The following USP39 variants were observed in gnomAD, a reference collection of about 807,000 sequenced individuals.
The protein encoded by USP39 is ubiquitin carboxyl-terminal hydrolase 39.
A neutral mutation model predicts 66.4 loss-of-function variants in USP39; 38 were observed. That is an observed-to-expected ratio of 0.57 (90% CI 0.44 to 0.75). USP39 has a LOEUF of 0.75. Ranked by LOEUF, USP39 falls within the 30% of genes least tolerant of loss-of-function variation. USP39 has a pLI of 0.00. For synonymous variants in USP39, 303 were observed against 274.6 expected, an observed-to-expected ratio of 1.10 and a Z score of -1.02; for missense variants, 608 against 714.4, an observed-to-expected ratio of 0.85 and a Z score of 1.70.
chr2:85,631,552 A>G (rs1357398339), intron 6 of USP39, among the ~76,000 whole-genome samples: 2 of 151,930 alleles, frequency 1.3e-5, no homozygotes, highest in Non-Finnish European at 2.9e-5. Context: ...TCTCTGACCA[A>G]TCTGCCCTGC....
intron 5 of USP39, among the ~76,000 whole-genome samples, chr2:85,627,858 C>T (rs888258611): frequency 6.6e-6 from 1 of 152,116 alleles, no homozygotes; most frequent in African/African-American, 2.4e-5. Flanking sequence ...TTGGGCCTTA[C>T]AGACTCCTTT....
upstream of USP39, among the ~76,000 whole-genome samples, chr2:85,615,083 C>T (rs1261552756): frequency 2.6e-5 from 4 of 151,984 alleles, no homozygotes; most frequent in East Asian, 7.7e-4. Flanking sequence ...TGCAATGGGG[C>T]GATCTCGGCT....
chr2:85,603,866 T>C (rs1673109986), intron 1 of USP39, among the ~76,000 whole-genome samples: 1 of 152,238 alleles, frequency 6.6e-6, no homozygotes, highest in South Asian at 2.1e-4. Flanking sequence ...GTGCTGGGAT[T>C]ACAGGCGTGG....
At chr2:85,615,656 G>A (rs1673868512), upstream of USP39, among the ~76,000 whole-genome samples, 1 of 152,116 alleles carries the variant, frequency 6.6e-6, no homozygotes, top group Non-Finnish European at 1.5e-5. Flanking sequence ...TTTTGAGACG[G>A]AGTTTCGCTC....
chr2:85,621,430 T>C lies in USP39; in HGVS notation c.339-55T>C, dbSNP rs1424105488. The C allele has an allele frequency of 3.3e-6, 5 of 1,501,024 alleles. No homozygotes were observed. The Admixed American group carries it at 8.4e-5, about 25-fold the overall frequency. 93.0% of individuals were successfully genotyped at this position (1,501,024 alleles called of 1,614,324 possible). A position where few individuals can be genotyped will look rare whatever the true frequency, so the allele number is the denominator to read the frequency against. On this transcript the variant is annotated intron_variant, in intron 2 of 12. Coordinates refer to ENST00000323701, the MANE Select transcript of USP39 (RefSeq NM_006590.4). ...GTCACAGAGCCAGCACTGCTTCATT[T>C]GCGTGCCTTCCTACATGTCCATCCT...
intron 10 of USP39, among the ~76,000 whole-genome samples, chr2:85,642,127 G>A (rs569480222): frequency 1.3e-5 from 2 of 152,184 alleles, no homozygotes; most frequent in African/African-American, 2.4e-5. Context: ...CTAGGGGTTT[G>A]TCCAGGTGTA....
At chr2:85,613,739 G>C (rs1188339311), upstream of USP39, among the ~76,000 whole-genome samples, 1 of 152,068 alleles carries the variant, frequency 6.6e-6, no homozygotes, top group African/African-American at 2.4e-5. Flanking sequence ...CTGGGAGGAA[G>C]AGGATATCTT....
At chr2:85,612,891 C>G (rs1210041086), upstream of USP39, among the ~76,000 whole-genome samples, 2 of 151,800 alleles carry the variant, frequency 1.3e-5, no homozygotes. Context: ...GAACTCCTGA[C>G]CTCAGGTGAT....
chr2:85,607,320 G>A (rs1673252621), upstream of USP39: 1 of 152,210 alleles, frequency 6.6e-6, no homozygotes, highest in Admixed American at 6.5e-5. Flanking sequence ...GAGCCTTCTT[G>A]ACCCAGGAGG....
intron 6 of USP39, among the ~76,000 whole-genome samples, chr2:85,634,210 A>G (rs913822906): frequency 6.6e-6 from 1 of 151,880 alleles, no homozygotes; most frequent in Admixed American, 6.6e-5. Flanking sequence ...AATGGGGCCC[A>G]TGGAGCACTT....
At chr2:85,603,066 C>A (rs1673065820) in exon 1 of USP39, 1 of 152,198 alleles carries the variant, frequency 6.6e-6, no homozygotes, top group African/African-American at 2.4e-5. Context: ...CATTTTGCAG[C>A]CTGCACCGGC....
chr2:85,636,279 C>G, intron 7 of USP39, 149 bp downstream of exon 7: 5 of 684,306 alleles, frequency 7.3e-6, no homozygotes, highest in South Asian at 1.9e-5. Flanking sequence ...ACCGGCCTGG[C>G]CAACATGGCG....
At chr2:85,608,287 T>C (rs1673291238), upstream of USP39, 1 of 152,206 alleles carries the variant, frequency 6.6e-6, no homozygotes, top group Non-Finnish European at 1.5e-5. Flanking sequence ...GGAGACATGC[T>C]TGCAAATAGG....
At chr2:85,617,606 T>C (rs1484327171) in intron 1 of USP39, among the ~76,000 whole-genome samples, 1 of 152,052 alleles carries the variant, frequency 6.6e-6, no homozygotes, top group Non-Finnish European at 1.5e-5. Context: ...TAGGATGAGG[T>C]AGAGTTCAAG....
intron 11 of USP39, among the ~76,000 whole-genome samples, chr2:85,645,554 T>C (rs1260280828): frequency 2.0e-5 from 3 of 152,150 alleles, no homozygotes; most frequent in Non-Finnish European, 2.9e-5. Flanking sequence ...AGTGTTGGGA[T>C]TACAGGCGTG....
chr2:85,617,830 A>G (rs1197431260), intron 1 of USP39, among the ~76,000 whole-genome samples: 2 of 152,216 alleles, frequency 1.3e-5, no homozygotes, highest in Non-Finnish European at 2.9e-5. Context: ...CAGGCCAGGT[A>G]GTCACATGCT....
chr2:85,619,337 G>GCCCGTCTCCCTC, intron 2 of USP39, 48 bp downstream of exon 2: 1 of 1,591,270 alleles, frequency 6.3e-7, no homozygotes, highest in Non-Finnish European at 8.6e-7. Context: ...AATGGAATCT[G>GCCCGTCTCCCTC]TGCAGAAAGT....
At chr2:85,624,345 TG>T (rs1674687861) in intron 4 of USP39, among the ~76,000 whole-genome samples, 1 of 152,002 alleles carries the variant, frequency 6.6e-6, no homozygotes, top group Non-Finnish European at 1.5e-5. Context: ...GCTCTGTTCT[TG>T]TTTTTGGTTT....
upstream of USP39, chr2:85,611,832 G>A (rs373989144): frequency 3.7e-5 from 59 of 1,605,624 alleles, no homozygotes; most frequent in African/African-American, 4.7e-4. Flanking sequence ...GCCGGGCCAG[G>A]CCAGGCCAGG....
Sources: gnomAD v4.1 joint callset for allele counts (sites outside exome capture counted in the v4.1 genomes callset) on GRCh38, gnomAD v4.1.1 for gene constraint, MANE v1.5 for transcripts, NCBI Gene and HGNC (gene_info 2026-07-23, HGNC 2026-07-21) for gene names.